TTN: variants seen among roughly 807,000 people sequenced by gnomAD.
TTN encodes the protein titin, also known as connectin.
TTN carries 1,525 observed loss-of-function variants against 3,223.0 expected under a neutral mutation model. The ratio of observed to expected loss-of-function variants is 0.47; its 90% confidence interval spans 0.45 to 0.49. The LOEUF (loss-of-function observed/expected upper bound fraction) is 0.49. TTN is among the 20% of genes least tolerant of loss of function. TTN has a pLI of 0.00. For missense variants in TTN, 40,786 were observed against 43,424.0 expected, an observed-to-expected ratio of 0.94 and a Z score of 5.40; for synonymous variants, 14,094 against 15,161.0, an observed-to-expected ratio of 0.93 and a Z score of 5.17.
Position 178,540,110 on chromosome 2 carries a change from G to C in TTN, c.98056C>G (p.Pro32686Ala). ...LACNAGGPGEPAEVPGTVKVT... is the reference protein window; with the variant it reads ...LACNAGGPGEAAEVPGTVKVT... ...TTGACTGTTCCTGGTACCTCAGCAG[G>C]CTCACCAGGTCCACCAGCATTACAA... Residue 32686 changes from proline to alanine, a missense_variant, in exon 351 of 363, where the codon CCT (proline) becomes GCT (alanine). Transcript: ENST00000589042. 1 of 1,609,954 alleles carries C rather than the reference G, an allele frequency of 6.2e-7. No individual in the cohort carries two copies.
At chr2:178,787,926 C>T (rs1042648652) in intron 13 of TTN, among the ~76,000 whole-genome samples, 1 of 151,948 alleles carries the variant, frequency 6.6e-6, no homozygotes, top group African/African-American at 2.4e-5. Context: ...TAGAATACTC[C>T]AATTCATACG....
rs184406621 is a variant in TTN at position 178,707,895 on chromosome 2, A to C, written c.28754-82T>G. 5.7e-5 allele frequency: 83 copies of C among 1,460,164 alleles called. No individual in the cohort carries two copies. The African/African-American group carries it at 9.5e-4, about 17-fold the overall frequency. 90.5% of individuals were successfully genotyped at this position (1,460,164 alleles called of 1,614,324 possible). A position where few individuals can be genotyped will look rare whatever the true frequency, so the allele number is the denominator to read the frequency against. ...CACAAGAGAAACAAATAAAGAGAAA[A>C]ACTGGCCTCTAACAGGTAACACTGT... On this transcript the variant is annotated intron_variant, in intron 99 of 362. Transcript: ENST00000589042.
chr2:178,632,370 G>A lies in TTN; in HGVS notation c.43524C>T (p.Ala14508=). 1 of 1,602,480 alleles carries A rather than the reference G, an allele frequency of 6.2e-7. No individual in the cohort carries two copies. Among genetic ancestry groups the A allele is most frequent in the African/African-American group, 1.3e-5 (1 of 74,828 alleles). ...KFLTPLKDVT[A]KEKESAVFTV... ...TAAATACAGCACTTTCCTTCTCTTT[G>A]GCAGTTACATCTTTGAGAGGGGTGA... Residue 14508 remains alanine (A), a synonymous_variant, in exon 236 of 363, where the codon GCC becomes GCT. Transcript: ENST00000589042.
rs752332941 is a variant in TTN at position 178,748,740 on chromosome 2, T to A, written c.11311+4384A>T. 2.5e-6 allele frequency: 4 copies of A among 1,612,708 alleles called. No individual in the cohort carries two copies. Among genetic ancestry groups the A allele is most frequent in the Non-Finnish European group, 3.4e-6 (4 of 1,179,324 alleles). The stretch of plus-strand genomic sequence containing the variant: ...ATTGCAGGTTTATCTATAAGACTTA[T>A]TTTTTCCTGTTGTTCCCTTTCTTGT... On this transcript the variant is annotated intron_variant, in intron 47 of 362. Coordinates refer to ENST00000589042, the MANE Select transcript of TTN (RefSeq NM_001267550.2).
chr2:178,557,912 T>C lies in TTN; in HGVS notation c.87442A>G (p.Ser29148Gly). Residue 29148 changes from serine to glycine, a missense_variant, in exon 328 of 363, where the codon AGT becomes GGT. Coordinates refer to ENST00000589042, the MANE Select transcript of TTN (RefSeq NM_001267550.2). ...GTCACACTTTCTTCAGTTATATCAC[T>C]AATAACAACAGGGCCAGTTGGAGGA... The part of the protein sequence containing the change: ...PGPPTGPVVI[S>G]DITEESVTLK... 1 of 1,613,476 alleles carries C rather than the reference T, an allele frequency of 6.2e-7. No homozygotes were observed. Among genetic ancestry groups the C allele is most frequent in the Non-Finnish European group, 8.5e-7 (1 of 1,179,850 alleles).
At position 178,718,234 on chromosome 2, in the gene TTN, G is replaced by C; in HGVS notation, c.24785-13C>G. On this transcript the variant is annotated splice_polypyrimidine_tract_variant and intron_variant, in intron 85 of 362. Transcript: ENST00000589042. ...AAGTACGGTGGTTCTATGGTACAAA[G>C]GATGGTAGTCAGCAAGTCAGTCATG... The C allele has an allele frequency of 6.3e-7, 1 of 1,594,430 alleles. No homozygotes were observed. The highest frequency in any genetic ancestry group is 8.5e-7 in the Non-Finnish European group (1 of 1,172,628).
rs1332208283 is a variant in TTN at position 178,712,229 on chromosome 2, C to T, written c.27608-7G>A. On this transcript the variant is annotated splice_region_variant and splice_polypyrimidine_tract_variant and intron_variant, in intron 95 of 362. Coordinates refer to ENST00000589042, the MANE Select transcript of TTN (RefSeq NM_001267550.2). ...TTGACAAAATACGGTGGTTCTGCAGCCAAGAGAGATAATCAATCAGTCATG... is the reference window on the plus strand; with the variant it reads ...TTGACAAAATACGGTGGTTCTGCAGTCAAGAGAGATAATCAATCAGTCATG... 1.9e-6 allele frequency: 3 copies of T among 1,611,118 alleles called. No individual in the cohort carries two copies. The highest frequency in any genetic ancestry group is 4.5e-5 in the East Asian group (2 of 44,864).
In TTN at chr2:178,618,327, C is replaced by T. The variant is rs766281773; in HGVS notation, c.47131G>A (p.Ala15711Thr). Residue 15711 changes from alanine (A) to threonine (T), a missense_variant, in exon 252 of 363, where the codon GCA becomes ACA. Transcript: ENST00000589042. ...RKTWVLATDR[A>T]ESCEFTVTGL... ...GTGACAGTAAACTCACAACTCTCTG[C>T]ACGGTCTGTGGCCAGAACCCAGGTC... The T allele has an allele frequency of 5.6e-6, 9 of 1,612,574 alleles. No individual in the cohort carries two copies. Among genetic ancestry groups the T allele is most frequent in the South Asian group, 5.5e-5 (5 of 91,070 alleles).
intron 121 of TTN, among the ~76,000 whole-genome samples, 169 bp downstream of exon 121, chr2:178,691,829 TTAGGAATATTCAGTATAA>T (rs1280378940): frequency 1.3e-5 from 2 of 152,170 alleles, no homozygotes; most frequent in Non-Finnish European, 2.9e-5. Context: ...TGGTGATGTC[TTAGGAATATTCAGTATAA>T]TAAATAAAGT....
At position 178,598,960 on chromosome 2, in the gene TTN, G is replaced by T. The variant is rs370348484; in HGVS notation, c.56750C>A (p.Thr18917Lys). ...EPEYDGGSPV[T>K]GYWLEMKDTT... The stretch of plus-strand genomic sequence containing the variant: ...GTCTTTCATTTCCAGCCAGTACCCT[G>T]TCACAGGAGAGCCTCCATCATATTC... The change falls in exon 291 of 363, where the codon ACA becomes AAA. Residue 18917 changes from threonine to lysine, a missense_variant. By Grantham distance (78) the Thr-to-Lys change is moderately conservative (BLOSUM62 -1). Transcript: ENST00000589042. The T allele has an allele frequency of 6.2e-7, 1 of 1,612,612 alleles. No individual in the cohort carries two copies. The highest frequency in any genetic ancestry group is 8.5e-7 in the Non-Finnish European group (1 of 1,179,420).
At position 178,566,554 on chromosome 2, in the gene TTN, G is replaced by T; in HGVS notation, c.79578C>A (p.Ile26526=). The change falls in exon 326 of 363, where the codon ATC becomes ATA. Residue 26526 remains isoleucine (I), a synonymous_variant. Coordinates refer to ENST00000589042, the MANE Select transcript of TTN (RefSeq NM_001267550.2). Reference sequence around the variant, plus strand: ...GCCATTCTTCTTCATCTGCTTTACAGATTTCTACTACATATCCCAAGATCT... The same window carrying T: ...GCCATTCTTCTTCATCTGCTTTACATATTTCTACTACATATCCCAAGATCT... ...GSEILGYVVE[I]CKADEEEWQI... 6.2e-7 allele frequency: 1 copy of T among 1,613,154 alleles called. No homozygotes were observed. The highest frequency in any genetic ancestry group is 8.5e-7 in the Non-Finnish European group (1 of 1,179,692).
rs1041967765 is a variant in TTN at position 178,731,390 on chromosome 2, A to C, written c.17376T>G (p.Ile5792Met). 2.5e-6 allele frequency: 4 copies of C among 1,613,810 alleles called. No individual in the cohort carries two copies. Among genetic ancestry groups the C allele is most frequent in the Admixed American group, 3.3e-5 (2 of 60,006 alleles). Residue 5792 changes from isoleucine (I) to methionine (M), a missense_variant, in exon 59 of 363, where the codon ATT (isoleucine) becomes ATG (methionine). Coordinates refer to ENST00000589042, the MANE Select transcript of TTN (RefSeq NM_001267550.2). ...NNVASLYLSG[I>M]EVKHDGKYVC... ...CATATTTCCCATCATGCTTGACTTCAATGCCACTGAGGTACAAACTGGCCA... is the reference window on the plus strand; with the variant it reads ...CATATTTCCCATCATGCTTGACTTCCATGCCACTGAGGTACAAACTGGCCA...
rs993539436 is a variant in TTN, at chr2:178,565,083, T to C, written c.81049A>G (p.Thr27017Ala). ...NYIVEKRDTT[T>A]TTWHMVSATV... ...GCTGATACCATGTGCCAAGTGGTGG[T>C]GGTTGTATCTCGCTTCTCTACAATG... is the stretch of plus-strand genomic sequence containing the variant. Residue 27017 changes from threonine to alanine, a missense_variant, in exon 326 of 363, where the codon ACC becomes GCC. Thr to Ala is a moderately conservative substitution (Grantham distance 58). Transcript: ENST00000589042. The C allele has an allele frequency of 6.2e-7, 1 of 1,613,634 alleles. No individual in the cohort carries two copies. Among genetic ancestry groups the C allele is most frequent in the Admixed American group, 1.7e-5 (1 of 59,994 alleles).
intron 278 of TTN, 79 bp from the exon 279 acceptor site, chr2:178,605,792 T>G: frequency 8.1e-7 from 1 of 1,233,006 alleles, no homozygotes; most frequent in Non-Finnish European, 1.1e-6. Flanking sequence ...TCAACTTAAT[T>G]ATGTAAAAAA....
At chr2:178,671,927 G>T in intron 155 of TTN, 44 bp downstream of exon 155, 2 of 1,564,328 alleles carry the variant, frequency 1.3e-6, no homozygotes, top group African/African-American at 2.8e-5. Context: ...AGGAAAGTTA[G>T]AGCAAGATAT....
chr2:178,563,731 A>G lies in TTN; in HGVS notation c.82401T>C (p.Tyr27467=), dbSNP rs771006818. The change falls in exon 326 of 363, where the codon TAT becomes TAC. Residue 27467 remains tyrosine, a synonymous_variant. Coordinates refer to ENST00000589042, the MANE Select transcript of TTN (RefSeq NM_001267550.2). This position sits in a 1 kb window ranked among gnomAD's most constrained non-coding sequence, Gnocchi z 4.5. ...ESGPVTACNP[Y]KPPGPPSTPE... The stretch of plus-strand genomic sequence containing the variant: ...GTGTTGAGGGAGGACCTGGTGGCTT[A>G]TAAGGATTACAGGCCGTAACAGGCC... 1 of 1,613,730 alleles carries G rather than the reference A, an allele frequency of 6.2e-7. No individual in the cohort carries two copies. The highest frequency in any genetic ancestry group is 1.7e-5 in the Admixed American group (1 of 59,988).
rs752703150 is a variant in TTN at position 178,713,364 on chromosome 2, C to T, written c.26770G>A (p.Val8924Ile). 11 of 1,520,822 alleles carry T rather than the reference C, an allele frequency of 7.2e-6. No individual in the cohort carries two copies. Among genetic ancestry groups the T allele is most frequent in the South Asian group, 3.7e-5 (3 of 81,652 alleles). 94.2% of individuals were successfully genotyped at this position (1,520,822 alleles called of 1,614,324 possible). Reference protein sequence around the residue: ...TASLQVSDRTVPPSFTRKLKE... With the variant: ...TASLQVSDRTIPPSFTRKLKE... The stretch of plus-strand genomic sequence containing the variant: ...AATTTTCTTGTGAATGAAGGAGGAA[C>T]GGTTCGGTCTGAATGATACAAAACA... Residue 8924 changes from valine to isoleucine, a missense_variant, in exon 93 of 363, where the codon GTT (valine) becomes ATT (isoleucine). Physicochemically the swap from Val to Ile is conservative, Grantham distance 29 (BLOSUM62 3). Transcript: ENST00000589042.
chr2:178,580,778 G>C (rs1013170222), intron 316 of TTN, 169 bp from the exon 317 acceptor site: 1 of 704,296 alleles, frequency 1.4e-6, no homozygotes, highest in African/African-American at 1.8e-5. Flanking sequence ...TGTACTAATT[G>C]TTGATCTTTC....
At position 178,696,225 on chromosome 2, in the gene TTN, T is replaced by C. The variant is rs1276905632; in HGVS notation, c.30847A>G (p.Ile10283Val). The C allele has an allele frequency of 6.4e-7, 1 of 1,562,810 alleles. No individual in the cohort carries two copies. The highest frequency in any genetic ancestry group is 8.7e-7 in the Non-Finnish European group (1 of 1,153,844). ...TCTTTCTTTCTGGTTATAGTCATTATTTTTACTTCTTCAGCTTTAGAGGAT... is the reference window on the plus strand; with the variant it reads ...TCTTTCTTTCTGGTTATAGTCATTACTTTTACTTCTTCAGCTTTAGAGGAT... Reference protein sequence around the residue: ...DVSSKAEEVKIMTITRKKEVQ... With the variant: ...DVSSKAEEVKVMTITRKKEVQ... The change falls in exon 114 of 363, where the codon ATA becomes GTA. Residue 10283 changes from isoleucine to valine, a missense_variant. Ile to Val is a conservative substitution (Grantham distance 29). Coordinates refer to ENST00000589042, the MANE Select transcript of TTN (RefSeq NM_001267550.2).
Sources: gnomAD v4.1 joint callset for allele counts (sites outside exome capture counted in the v4.1 genomes callset) on GRCh38, gnomAD v4.1.1 for gene constraint, Gnocchi (gnomAD v3.1) non-coding constraint, MANE v1.5 for transcripts, NCBI Gene and HGNC (gene_info 2026-07-23, HGNC 2026-07-21) for gene names.